The following CREB3L1 variants were observed in gnomAD, a reference collection of about 807,000 sequenced individuals.
CREB3L1 encodes cyclic AMP-responsive element-binding protein 3-like protein 1.
A neutral mutation model predicts 54.5 loss-of-function variants in CREB3L1; 33 were observed. The ratio of observed to expected loss-of-function variants is 0.61; its 90% CI spans 0.46 to 0.81. The LOEUF (loss-of-function observed/expected upper bound fraction) is 0.81. Among genes scored for constraint, CREB3L1 ranks in the 30% least tolerant of loss-of-function variants. CREB3L1 has a pLI of 0.00. For synonymous variants in CREB3L1, 284 were observed against 286.4 expected, an observed-to-expected ratio of 0.99 and a Z score of 0.08; for missense variants, 656 against 673.3, an observed-to-expected ratio of 0.97 and a Z score of 0.29.
rs927181114 is a variant in CREB3L1, at chr11:46,297,540, C to T, written c.103-2395C>T. 3.4e-5 allele frequency among the ~76,000 whole-genome samples: 5 copies of T among 148,456 alleles called. No individual in the cohort carries two copies. The East Asian group carries it at 5.9e-4, about 17-fold the overall frequency. On this transcript the variant is annotated intron_variant, in intron 1 of 11. Transcript: ENST00000621158. ...GGTGGGCACCTCCCTGCTGCATTAG[C>T]GCCCTTGGCCTCAGTTTCTCTCTCT...
chr11:46,286,658 G>A (rs7124003), intron 1 of CREB3L1, among the ~76,000 whole-genome samples: 39,818 of 151,896 alleles, frequency 0.26, 6,510 homozygotes, highest in African/African-American at 0.47. Flanking sequence ...GGTGGCGGGA[G>A]CCTGTAATCC....
At chr11:46,289,729 A>G in intron 1 of CREB3L1, among the ~76,000 whole-genome samples, 1 of 152,210 alleles carries the variant, frequency 6.6e-6, no homozygotes, top group South Asian at 2.1e-4. Flanking sequence ...GGTCCATCCA[A>G]CTAGCCTGGA....
At chr11:46,307,343 A>C (rs1359173352) in intron 2 of CREB3L1, among the ~76,000 whole-genome samples, 1 of 152,138 alleles carries the variant, frequency 6.6e-6, no homozygotes, top group African/African-American at 2.4e-5. Context: ...GCCTGTCTTG[A>C]CTTCCCAAAG....
intron 1 of CREB3L1, among the ~76,000 whole-genome samples, chr11:46,299,729 A>G (rs1357391880): frequency 1.3e-5 from 2 of 152,190 alleles, no homozygotes; most frequent in Non-Finnish European, 2.9e-5. Flanking sequence ...GGTAACGGTC[A>G]TGATGGAAAT....
chr11:46,320,414 A>T lies in CREB3L1; in HGVS notation c.1409A>T (p.Asp470Val). 6.2e-7 allele frequency: 1 copy of T among 1,611,312 alleles called. No individual in the cohort carries two copies. Among genetic ancestry groups the T allele is most frequent in the Non-Finnish European group, 8.5e-7 (1 of 1,178,826 alleles). ...CGGCCCCGGGACCACCTGCAGCATG[A>T]TCACCTGGACAGCACCCACGAGACC... ...EQRPRDHLQHDHLDSTHETTK... is the reference protein window; with the variant it reads ...EQRPRDHLQHVHLDSTHETTK... Residue 470 changes from aspartate (D) to valine (V), a missense_variant, in exon 11 of 12, where the codon GAT becomes GTT. This residue lies in a region of CREB3L1 where 240 missense variants were observed against 219.8 expected (regional missense o/e 1.09). Transcript: ENST00000621158.
chr11:46,316,335 A>T lies in CREB3L1; in HGVS notation c.1081A>T (p.Ile361Phe). The T allele has an allele frequency of 6.3e-7, 1 of 1,576,202 alleles. No individual in the cohort carries two copies. Among genetic ancestry groups the T allele is most frequent in the Non-Finnish European group, 8.6e-7 (1 of 1,161,226 alleles). The stretch of plus-strand genomic sequence containing the variant: ...ACTCCAGACTCTGGTCACCAACAAG[A>T]TCTCCAGACCTTACAAGATGGCCGC... The part of the protein sequence containing the change: ...QKLQTLVTNK[I>F]SRPYKMAATQ... Residue 361 changes from isoleucine (I) to phenylalanine (F), a missense_variant, in exon 9 of 12, where the codon ATC becomes TTC. Around this residue, in one of 3 missense-constraint regions of CREB3L1, gnomAD observed 240 missense variants for 219.8 expected, o/e 1.09. Transcript: ENST00000621158.
intron 1 of CREB3L1, among the ~76,000 whole-genome samples, chr11:46,281,931 G>A (rs1473150521): frequency 1.3e-5 from 2 of 152,178 alleles, no homozygotes; most frequent in African/African-American, 2.4e-5. Context: ...TACTGGAGGA[G>A]CCCAAATCTC....
At chr11:46,315,275 G>T in intron 8 of CREB3L1, 1 of 224,108 alleles carries the variant, frequency 4.5e-6, no homozygotes, top group African/African-American at 2.3e-5. Context: ...TTCCTTTCTG[G>T]CCCAAAGTAG....
rs548707294 is a variant in CREB3L1 at position 46,313,643 on chromosome 11, G to T, written c.1031+724G>T. Among the ~76,000 whole-genome samples the T allele has an allele frequency of 5.9e-5, 9 of 152,122 alleles. 1 individual carries two copies. The South Asian group carries it at 1.7e-3, about 28-fold the overall frequency. On this transcript the variant is annotated intron_variant, in intron 8 of 11. Transcript: ENST00000621158. ...GGCAGTTGCAGTGAGCTGACACTGT[G>T]CCACTGCACTCCAGCCTGGGCCAGA...
rs1011117282 is a variant in CREB3L1, at chr11:46,316,392, G to A, written c.1131+7G>A. 3 of 1,524,018 alleles carry A rather than the reference G, an allele frequency of 2.0e-6. No homozygotes were observed. In the South Asian group the frequency reaches 3.6e-5, roughly 18 times the overall value. 94.4% of individuals were successfully genotyped at this position (1,524,018 alleles called of 1,614,324 possible). A position where few individuals can be genotyped will look rare whatever the true frequency, so the allele number is the denominator to read the frequency against. ...GACTGGGACCTGCCTCATGGTAGGT[G>A]TGGCTCCCTCCACCACAGACCCACA... On this transcript the variant is annotated splice_region_variant and intron_variant, in intron 9 of 11. Coordinates refer to ENST00000621158, the MANE Select transcript of CREB3L1 (RefSeq NM_052854.4).
chr11:46,303,661 A>G (rs1939334249), intron 2 of CREB3L1, among the ~76,000 whole-genome samples: 1 of 152,016 alleles, frequency 6.6e-6, no homozygotes, highest in Non-Finnish European at 1.5e-5. Context: ...AATATAAATA[A>G]TAATAATTAG....
At position 46,312,687 on chromosome 11, in the gene CREB3L1, G is replaced by A; in HGVS notation, c.962+17G>A. On this transcript the variant is annotated intron_variant, in intron 7 of 11. Coordinates refer to ENST00000621158, the MANE Select transcript of CREB3L1 (RefSeq NM_052854.4). ...AGAAAAGAAGTAAGGGGCTTGGGAG[G>A]GGTGGGCAATCCACTCCCTTGCCTG... The A allele has an allele frequency of 6.2e-7, 1 of 1,602,026 alleles. No individual in the cohort carries two copies. Among genetic ancestry groups the A allele is most frequent in the Non-Finnish European group, 8.5e-7 (1 of 1,173,982 alleles).
In CREB3L1 at chr11:46,278,684, A is replaced by G. The variant is rs1205359687; in HGVS notation, c.102+471A>G. On this transcript the variant is annotated intron_variant, in intron 1 of 11. Coordinates refer to ENST00000621158, the MANE Select transcript of CREB3L1 (RefSeq NM_052854.4). This position sits in a 1 kb window ranked among gnomAD's most constrained non-coding sequence, Gnocchi z 4.2. Reference sequence around the variant, plus strand: ...CCCCTCGGGGAAGCCAGGCCCAGAAATTTCAGGGTGCTACCCTGGCAGCCC... The same window carrying G: ...CCCCTCGGGGAAGCCAGGCCCAGAAGTTTCAGGGTGCTACCCTGGCAGCCC... Among the ~76,000 whole-genome samples the G allele has an allele frequency of 6.6e-6, 1 of 152,116 alleles. No individual in the cohort carries two copies. The highest frequency in any genetic ancestry group is 1.5e-5 in the Non-Finnish European group (1 of 68,008).
At chr11:46,304,794 C>T (rs946778097) in intron 2 of CREB3L1, among the ~76,000 whole-genome samples, 5 of 152,098 alleles carry the variant, frequency 3.3e-5, no homozygotes, top group Admixed American at 6.5e-5. Flanking sequence ...TGGCCTCAAG[C>T]GATCCTCCCA....
At position 46,309,676 on chromosome 11, in the gene CREB3L1, A is replaced by T. The variant is rs190524694; in HGVS notation, c.517-313A>T. Among the ~76,000 whole-genome samples, 322 of 152,342 alleles carry T rather than the reference A, an allele frequency of 2.1e-3. 1 individual carries two copies. The highest frequency in any genetic ancestry group is 7.6e-3 in the African/African-American group (314 of 41,574). Reference sequence around the variant, plus strand: ...TACCTCTTGTTTTATTCTCATGGCAACCCACATACCAAAGCCTGTGTGGCC... The same window carrying T: ...TACCTCTTGTTTTATTCTCATGGCATCCCACATACCAAAGCCTGTGTGGCC... On this transcript the variant is annotated intron_variant, in intron 3 of 11. Transcript: ENST00000621158.
chr11:46,297,451 T>G (rs1239350379), intron 1 of CREB3L1, among the ~76,000 whole-genome samples: 1 of 152,222 alleles, frequency 6.6e-6, no homozygotes, highest in Non-Finnish European at 1.5e-5. Flanking sequence ...CAAACCCTGC[T>G]TCAGGGCAAT....
At position 46,300,092 on chromosome 11, in the gene CREB3L1, G is replaced by C; in HGVS notation, c.260G>C (p.Ser87Thr). 1.9e-6 allele frequency: 3 copies of C among 1,613,904 alleles called. No individual in the cohort carries two copies. Among genetic ancestry groups the C allele is most frequent in the Non-Finnish European group, 2.5e-6 (3 of 1,179,854 alleles). ...SPTPGIQAEH[S>T]YSLSGDSAPQ... The stretch of plus-strand genomic sequence containing the variant: ...ACGCCAGGCATCCAGGCGGAGCACA[G>C]CTACTCCCTGAGCGGCGACTCAGCG... Residue 87 changes from serine to threonine, a missense_variant, in exon 2 of 12, where the codon AGC (serine) becomes ACC (threonine). This residue lies in a region of CREB3L1 where 339 missense variants were observed against 331.5 expected (regional missense o/e 1.02). Coordinates refer to ENST00000621158, the MANE Select transcript of CREB3L1 (RefSeq NM_052854.4).
intron 8 of CREB3L1, among the ~76,000 whole-genome samples, chr11:46,313,411 G>T (rs948388152): frequency 3.3e-5 from 5 of 152,164 alleles, no homozygotes; most frequent in Non-Finnish European, 5.9e-5. Context: ...TGCAGGCTGG[G>T]CACGGTGGCT....
intron 3 of CREB3L1, among the ~76,000 whole-genome samples, chr11:46,309,087 A>T (rs761783219): frequency 6.6e-6 from 1 of 152,242 alleles, no homozygotes; most frequent in Non-Finnish European, 1.5e-5. Flanking sequence ...TGGAAGGCAC[A>T]GGAGCTGGCA....
Sources: gnomAD v4.1 joint callset for allele counts (sites outside exome capture counted in the v4.1 genomes callset) on GRCh38, gnomAD v4.1.1 for gene constraint, gnomAD v4.1.1 regional missense constraint, Gnocchi (gnomAD v3.1) non-coding constraint, MANE v1.5 for transcripts, NCBI Gene and HGNC (gene_info 2026-07-23, HGNC 2026-07-21) for gene names.